The following ZNF292 variants were observed in gnomAD, a reference collection of about 807,000 sequenced individuals.
ZNF292 encodes zinc finger protein 292.
ZNF292 carries 26 observed loss-of-function variants against 217.9 expected under a neutral mutation model. That is an observed-to-expected ratio of 0.12 (90% CI 0.09 to 0.17). ZNF292 has a LOEUF of 0.17. Among genes scored for constraint, ZNF292 ranks in the 10% least tolerant of loss-of-function variants. The pLI is 1.00. For missense variants in ZNF292, 2,904 were observed against 3,175.2 expected, an observed-to-expected ratio of 0.91 and a Z score of 2.05; for synonymous variants, 1,257 against 1,124.1, an observed-to-expected ratio of 1.12 and a Z score of -2.37.
chr6:87,262,576 T>G lies in ZNF292; in HGVS notation c.*775T>G, dbSNP rs1224878762. 1 of 151,868 alleles carries G rather than the reference T, an allele frequency of 6.6e-6. No individual in the cohort carries two copies. The highest frequency in any genetic ancestry group is 1.5e-5 in the Non-Finnish European group (1 of 67,848). 9.4% of individuals were successfully genotyped at this position (151,868 alleles called of 1,614,324 possible). ...GAGTCCATGAAATACAATGGAAATG[T>G]GAATAAAGAATTTACTACATTGAAG... On this transcript the variant is annotated 3_prime_UTR_variant, in exon 8 of 8. Transcript: ENST00000369577.
At position 87,261,316 on chromosome 6, in the gene ZNF292, A is replaced by C. The variant is rs768324174; in HGVS notation, c.7687A>C (p.Lys2563Gln). The C allele has an allele frequency of 1.9e-6, 3 of 1,613,378 alleles. No homozygotes were observed. The highest frequency in any genetic ancestry group is 2.5e-6 in the Non-Finnish European group (3 of 1,179,672). Residue 2563 changes from lysine (K) to glutamine (Q), a missense_variant, in exon 8 of 8, where the codon AAA becomes CAA. This residue lies in a region of ZNF292 where 380 missense variants were observed against 355.3 expected (regional missense o/e 1.07). Transcript: ENST00000369577. ...ASAAELSSVR[K>Q]EEETAVAIQT... ...AGCAGCTGAGTTAAGTAGCGTGCGT[A>C]AAGAAGAAGAAACTGCTGTTGCCAT...
At chr6:87,157,998 A>G (rs1421009454) in intron 1 of ZNF292, among the ~76,000 whole-genome samples, 1 of 152,148 alleles carries the variant, frequency 6.6e-6, no homozygotes, top group African/African-American at 2.4e-5. Context: ...AGGTGTGAGC[A>G]CCGCGTCCCG....
chr6:87,159,487 TTTTC>T (rs1482470031), intron 1 of ZNF292, among the ~76,000 whole-genome samples: 4 of 148,586 alleles, frequency 2.7e-5, no homozygotes, highest in African/African-American at 1.0e-4. Flanking sequence ...CTCAGCTTTC[TTTTC>T]TTTCTTTTTT....
intron 1 of ZNF292, among the ~76,000 whole-genome samples, chr6:87,167,538 G>A (rs1770956570): frequency 6.6e-6 from 1 of 152,228 alleles, no homozygotes; most frequent in Non-Finnish European, 1.5e-5. Context: ...CTACCTGGGA[G>A]GCTGAGCAAG....
chr6:87,250,951 A>G (rs1182492629), intron 7 of ZNF292, among the ~76,000 whole-genome samples: 1 of 152,240 alleles, frequency 6.6e-6, no homozygotes, highest in Non-Finnish European at 1.5e-5. Flanking sequence ...CAGTGAGGGT[A>G]CATTGCTTAG....
intron 1 of ZNF292, among the ~76,000 whole-genome samples, chr6:87,208,756 G>T (rs4110984): frequency 0.63 from 95,201 of 151,964 alleles, 31,305 homozygotes; most frequent in African/African-American, 0.83. Flanking sequence ...CAAATAAGGG[G>T]GTCTAGTTTG....
intron 4 of ZNF292, 31 bp downstream of exon 4, chr6:87,218,762 A>G: frequency 1.9e-6 from 3 of 1,539,688 alleles, no homozygotes; most frequent in South Asian, 2.6e-5. Flanking sequence ...GAAAAAAAAG[A>G]ATAATTAGAC....
At position 87,261,106 on chromosome 6, in the gene ZNF292, A is replaced by G; in HGVS notation, c.7477A>G (p.Ile2493Val). The stretch of plus-strand genomic sequence containing the variant: ...AACAGAATTGTTTATTACAAAATTA[A>G]TAAATGAAGATAGCACAAGTGTAGA... The part of the protein sequence containing the change: ...ELTELFITKL[I>V]NEDSTSVETQ... Residue 2493 changes from isoleucine (I) to valine (V), a missense_variant, in exon 8 of 8, where the codon ATA becomes GTA. By Grantham distance (29) the Ile-to-Val change is conservative (BLOSUM62 3). Transcript: ENST00000369577. 7 of 1,611,530 alleles carry G rather than the reference A, an allele frequency of 4.3e-6. No individual in the cohort carries two copies. The highest frequency in any genetic ancestry group is 5.1e-6 in the Non-Finnish European group (6 of 1,179,022).
chr6:87,160,004 G>A (rs746116153), intron 1 of ZNF292, among the ~76,000 whole-genome samples: 2 of 151,996 alleles, frequency 1.3e-5, no homozygotes, highest in African/African-American at 2.4e-5. Context: ...GGTTATAATT[G>A]GAACCTTTTA....
At chr6:87,231,235 A>G (rs1773638684) in intron 4 of ZNF292, among the ~76,000 whole-genome samples, 1 of 152,050 alleles carries the variant, frequency 6.6e-6, no homozygotes, top group Admixed American at 6.6e-5. Flanking sequence ...AGAATATATA[A>G]TTATCTTCCT....
chr6:87,251,868 A>G (rs1209569360), intron 7 of ZNF292, among the ~76,000 whole-genome samples: 1 of 152,222 alleles, frequency 6.6e-6, no homozygotes, highest in Non-Finnish European at 1.5e-5. Flanking sequence ...ATGTTTTTAA[A>G]GCAAATTTAT....
At position 87,261,445 on chromosome 6, in the gene ZNF292, C is replaced by G; in HGVS notation, c.7816C>G (p.Gln2606Glu). 1 of 1,606,498 alleles carries G rather than the reference C, an allele frequency of 6.2e-7. No homozygotes were observed. Among genetic ancestry groups the G allele is most frequent in the East Asian group, 2.2e-5 (1 of 44,680 alleles). ...LKFLEESAVKQKKNTDKDHPN... is the reference protein window; with the variant it reads ...LKFLEESAVKEKKNTDKDHPN... ...GTTTCTTGAGGAGTCTGCAGTGAAG[C>G]AGAAGAAAAATACTGACAAAGACCA... is the stretch of plus-strand genomic sequence containing the variant. The change falls in exon 8 of 8, where the codon CAG (glutamine) becomes GAG (glutamate). Residue 2606 changes from glutamine to glutamate, a missense_variant. By Grantham distance (29) the Gln-to-Glu change is conservative (BLOSUM62 2). Around this residue, in one of 15 missense-constraint regions of ZNF292, gnomAD observed 380 missense variants for 355.3 expected, o/e 1.07. Coordinates refer to ENST00000369577, the MANE Select transcript of ZNF292 (RefSeq NM_015021.3).
chr6:87,172,023 A>T (rs776331745), intron 1 of ZNF292, among the ~76,000 whole-genome samples: 3 of 152,218 alleles, frequency 2.0e-5, no homozygotes, highest in Non-Finnish European at 4.4e-5. Context: ...TCTGTTTGCA[A>T]ATACTAACAA....
Position 87,259,651 on chromosome 6 carries a change from C to A in ZNF292, c.6022C>A (p.Gln2008Lys). The change falls in exon 8 of 8, where the codon CAG becomes AAG. Residue 2008 changes from glutamine to lysine, a missense_variant. By Grantham distance (53) the Gln-to-Lys change is moderately conservative (BLOSUM62 1). This residue lies in a region of ZNF292 where 261 missense variants were observed against 272.8 expected (regional missense o/e 0.96). Coordinates refer to ENST00000369577, the MANE Select transcript of ZNF292 (RefSeq NM_015021.3). ...PASRSTQVKK[Q>K]LAMTEENKKE... The stretch of plus-strand genomic sequence containing the variant: ...CTCACGAAGTACACAAGTGAAAAAA[C>A]AGCTAGCTATGACAGAGGAAAATAA... 6.3e-7 allele frequency: 1 copy of A among 1,587,222 alleles called. No individual in the cohort carries two copies.
At chr6:87,176,760 C>T (rs1771310123) in intron 1 of ZNF292, among the ~76,000 whole-genome samples, 1 of 152,196 alleles carries the variant, frequency 6.6e-6, no homozygotes, top group Non-Finnish European at 1.5e-5. Context: ...TCATCTTCAG[C>T]AGTCATCCAC....
intron 1 of ZNF292, among the ~76,000 whole-genome samples, chr6:87,194,244 T>A (rs529753889): frequency 2.0e-5 from 3 of 152,114 alleles, no homozygotes; most frequent in Middle Eastern, 3.4e-3. Flanking sequence ...ATGATAAATA[T>A]AGAAGGAATA....
chr6:87,210,564 G>A (rs1383380667), intron 1 of ZNF292, among the ~76,000 whole-genome samples: 2 of 151,824 alleles, frequency 1.3e-5, no homozygotes, highest in Non-Finnish European at 2.9e-5. Context: ...GGCGGATCAC[G>A]AGGTCAAGAG....
chr6:87,171,909 A>G (rs368904899), intron 1 of ZNF292, among the ~76,000 whole-genome samples: 2 of 152,342 alleles, frequency 1.3e-5, no homozygotes, highest in African/African-American at 2.4e-5. Flanking sequence ...CACTAGCGGA[A>G]CATACTTATT....
At chr6:87,173,644 A>G (rs939749833) in intron 1 of ZNF292, 1 of 152,164 alleles carries the variant, frequency 6.6e-6, no homozygotes, top group Non-Finnish European at 1.5e-5. Context: ...CACTTCATTC[A>G]TCTCTGGGTC....
Sources: allele counts gnomAD v4.1 joint callset (sites outside exome capture counted in the v4.1 genomes callset), GRCh38; gene constraint gnomAD v4.1.1; regional missense constraint gnomAD v4.1.1; transcripts MANE v1.5; gene names NCBI Gene and HGNC (gene_info 2026-07-23, HGNC 2026-07-21).